Variants in CACNA2D3 observed in about 807,000 individuals in gnomAD.
The protein encoded by CACNA2D3 is calcium voltage-gated channel auxiliary subunit alpha2delta 3.
A neutral mutation model predicts 160.6 loss-of-function variants in CACNA2D3; 60 were observed. That is an observed-to-expected ratio of 0.37 (90% CI 0.30 to 0.46). The LOEUF (loss-of-function observed/expected upper bound fraction) is 0.46. Ranked by LOEUF, CACNA2D3 falls within the 20% of genes least tolerant of loss-of-function variation. The probability of loss-of-function intolerance (pLI) is 1.00; values close to 1 mark genes in which losing one functional copy is unlikely to be tolerated. For missense variants in CACNA2D3, 1,205 were observed against 1,365.0 expected (o/e 0.88, Z 1.85); for synonymous variants, 558 against 492.9 (o/e 1.13, Z -1.75).
intron 4 of CACNA2D3, among the ~76,000 whole-genome samples, chr3:54,401,530 A>G (rs751118921): frequency 6.6e-6 from 1 of 152,202 alleles, no homozygotes; most frequent in Non-Finnish European, 1.5e-5. Flanking sequence ...TATAAGGGAA[A>G]TCATCGTTAG....
At chr3:54,969,760 A>G in intron 28 of CACNA2D3, 40 bp from the exon 29 acceptor site, 4 of 1,598,278 alleles carry the variant, frequency 2.5e-6, no homozygotes, top group East Asian at 4.5e-5. Context: ...ATGCCCAAGT[A>G]ACATAGTAAC....
At chr3:54,677,608 TTG>T (rs1467326736) in intron 11 of CACNA2D3, among the ~76,000 whole-genome samples, 3 of 134,566 alleles carry the variant, frequency 2.2e-5, no homozygotes, top group Admixed American at 7.6e-5. Flanking sequence ...TGAATAGTTT[TTG>T]TTTTTTTTTT....
At chr3:54,280,451 G>A (rs886969766) in intron 2 of CACNA2D3, among the ~76,000 whole-genome samples, 3 of 152,134 alleles carry the variant, frequency 2.0e-5, no homozygotes, top group Non-Finnish European at 2.9e-5. Context: ...CTGGTGGGGA[G>A]TAGGCAGAAA....
intron 4 of CACNA2D3, among the ~76,000 whole-genome samples, chr3:54,480,240 C>G (rs1700911249): frequency 6.6e-6 from 1 of 152,090 alleles, no homozygotes; most frequent in Non-Finnish European, 1.5e-5. Flanking sequence ...ACAGGTGTTC[C>G]TCCTCAAATA....
chr3:54,793,204 G>C (rs908297060), intron 13 of CACNA2D3, among the ~76,000 whole-genome samples: 2 of 152,196 alleles, frequency 1.3e-5, no homozygotes, highest in Non-Finnish European at 2.9e-5. Flanking sequence ...ATCTTTCTAG[G>C]AAGGAAGTGA....
At chr3:54,814,508 G>A (rs1703406166) in intron 13 of CACNA2D3, among the ~76,000 whole-genome samples, 1 of 152,186 alleles carries the variant, frequency 6.6e-6, no homozygotes, top group South Asian at 2.1e-4. Flanking sequence ...CAGCATCTGT[G>A]GCCACAGAGG....
At chr3:54,764,735 G>A (rs1702186005) in intron 13 of CACNA2D3, among the ~76,000 whole-genome samples, 1 of 152,132 alleles carries the variant, frequency 6.6e-6, no homozygotes, top group Non-Finnish European at 1.5e-5. Context: ...TCTCAATTGG[G>A]AATGTAACCA....
intron 31 of CACNA2D3, among the ~76,000 whole-genome samples, chr3:54,990,100 C>T (rs1200120664): frequency 2.0e-5 from 3 of 152,328 alleles, no homozygotes; most frequent in African/African-American, 4.8e-5. Context: ...CATGAAGCTG[C>T]GTTGCTCTGG....
At chr3:54,517,713 G>C (rs1028746592) in intron 5 of CACNA2D3, among the ~76,000 whole-genome samples, 12 of 152,168 alleles carry the variant, frequency 7.9e-5, no homozygotes, top group Admixed American at 4.6e-4. Flanking sequence ...GGACTCCTGA[G>C]CCTCACAGGG....
intron 1 of CACNA2D3, among the ~76,000 whole-genome samples, chr3:54,123,164 G>T (rs113618436): frequency 0.29 from 44,308 of 151,896 alleles, 7,672 homozygotes; most frequent in East Asian, 0.46. Context: ...TTTTTTTGGG[G>T]GGGGGATGGG....
intron 11 of CACNA2D3, among the ~76,000 whole-genome samples, chr3:54,682,596 G>A (rs1700374339): frequency 6.6e-6 from 1 of 152,082 alleles, no homozygotes; most frequent in Non-Finnish European, 1.5e-5. Flanking sequence ...GGGTGACAGA[G>A]TAAAACTCTG....
intron 2 of CACNA2D3, among the ~76,000 whole-genome samples, chr3:54,291,671 T>C (rs182823623): frequency 3.4e-4 from 52 of 152,332 alleles, no homozygotes; most frequent in Admixed American, 6.5e-4. Flanking sequence ...ATATGCTATC[T>C]TTTTGATAAG....
chr3:54,846,575 T>C (rs1698937091), intron 17 of CACNA2D3, 108 bp downstream of exon 17: 2 of 687,766 alleles, frequency 2.9e-6, no homozygotes, highest in Non-Finnish European at 2.5e-6. Context: ...TAAAAAACTA[T>C]TGAATTCATA....
chr3:54,775,103 G>A (rs983504923), intron 13 of CACNA2D3, among the ~76,000 whole-genome samples: 4 of 152,038 alleles, frequency 2.6e-5, no homozygotes, highest in Non-Finnish European at 5.9e-5. Context: ...TGATAGATAG[G>A]CCTGTTTGAG....
chr3:54,628,795 C>T (rs1428547455), intron 10 of CACNA2D3, among the ~76,000 whole-genome samples: 1 of 152,134 alleles, frequency 6.6e-6, no homozygotes, highest in East Asian at 1.9e-4. Flanking sequence ...CATCTCCTCT[C>T]TAGGGCAGGG....
At chr3:54,824,188 C>G (rs965549355) in intron 14 of CACNA2D3, among the ~76,000 whole-genome samples, 1 of 152,206 alleles carries the variant, frequency 6.6e-6, no homozygotes, top group African/African-American at 2.4e-5. Flanking sequence ...CTTAGCTTAT[C>G]AGTAATCCTT....
intron 11 of CACNA2D3, among the ~76,000 whole-genome samples, chr3:54,652,929 C>T (rs1051733689): frequency 6.6e-6 from 1 of 151,876 alleles, no homozygotes; most frequent in African/African-American, 2.4e-5. Flanking sequence ...ATGATAGGCG[C>T]ACACCACCAC....
intron 3 of CACNA2D3, among the ~76,000 whole-genome samples, chr3:54,352,376 C>T (rs1012595822): frequency 3.9e-5 from 6 of 152,156 alleles, no homozygotes; most frequent in African/African-American, 1.4e-4. Context: ...TATTACTCCT[C>T]CTTGGAGTAG....
At chr3:54,140,504 A>G (rs79969698) in intron 2 of CACNA2D3, among the ~76,000 whole-genome samples, 384 of 152,258 alleles carry the variant, frequency 2.5e-3, no homozygotes, top group African/African-American at 9.0e-3. Context: ...AATTTCCTCT[A>G]TCTGGGCCTT....
Sources: gnomAD v4.1 joint callset for allele counts (sites outside exome capture counted in the v4.1 genomes callset) on GRCh38, gnomAD v4.1.1 for gene constraint, MANE v1.5 for transcripts, NCBI Gene and HGNC (gene_info 2026-07-23, HGNC 2026-07-21) for gene names.